ME1: variants seen among roughly 807,000 people sequenced by gnomAD.
ME1 encodes NADP-dependent malic enzyme.
Under a neutral mutation model 66.4 loss-of-function variants are expected in ME1, and 74 were observed. That is an observed-to-expected ratio of 1.11 (90% CI 0.92 to 1.35). The LOEUF is 1.35. ME1 is among the 40% of genes most tolerant of loss of function. The pLI is 0.00. For missense variants in ME1, 750 were observed against 694.1 expected (o/e 1.08, Z -0.90); for synonymous variants, 251 against 235.6 (o/e 1.07, Z -0.60).
chr6:83,235,532 G>A (rs1003645151), intron 9 of ME1, among the ~76,000 whole-genome samples: 4 of 148,608 alleles, frequency 2.7e-5, no homozygotes, highest in East Asian at 3.9e-4. Context: ...GTGCAGTGGC[G>A]CGATCTCGGC....
intron 13 of ME1, among the ~76,000 whole-genome samples, chr6:83,216,139 C>T (rs184194860): frequency 6.6e-6 from 1 of 152,250 alleles, no homozygotes; most frequent in African/African-American, 2.4e-5. Context: ...GTTACTCTAA[C>T]ATATCTGTAA....
At chr6:83,281,862 A>T (rs1767300915) in intron 6 of ME1, among the ~76,000 whole-genome samples, 1 of 149,780 alleles carries the variant, frequency 6.7e-6, no homozygotes, top group South Asian at 2.1e-4. Flanking sequence ...AGAGAAAAAA[A>T]AAAAGAGAGA....
intron 3 of ME1, among the ~76,000 whole-genome samples, chr6:83,361,012 G>A (rs1172650889): frequency 6.6e-6 from 1 of 152,186 alleles, no homozygotes; most frequent in Non-Finnish European, 1.5e-5. Context: ...TTCTACCTCA[G>A]GGGTTATCAA....
At position 83,346,072 on chromosome 6, in the gene ME1, A is replaced by G; in HGVS notation, c.600+101T>C. ...TTGGAGAGAGAAAGAGAACCAGACA[A>G]AAAAGAATGAATTTTATGAGTTCCT... is the stretch of plus-strand genomic sequence containing the variant. On this transcript the variant is annotated intron_variant, in intron 5 of 13. Transcript: ENST00000369705. 3.1e-6 allele frequency: 3 copies of G among 965,220 alleles called. No homozygotes were observed. The South Asian group carries it at 7.3e-5, about 23-fold the overall frequency. 59.8% of individuals were successfully genotyped at this position (965,220 alleles called of 1,614,324 possible). A position where few individuals can be genotyped will look rare whatever the true frequency, so the allele number is the denominator to read the frequency against.
Position 83,211,997 on chromosome 6 carries a change from T to C in ME1, c.1646A>G (p.Tyr549Cys). The C allele has an allele frequency of 2.5e-6, 4 of 1,611,920 alleles. No individual in the cohort carries two copies. The highest frequency in any genetic ancestry group is 3.4e-6 in the Non-Finnish European group (4 of 1,178,658). ...FVRSQMYSTD[Y>C]DQILPDCYSW... Reference sequence around the variant, plus strand: ...ATAACAATCAGGTAGAATCTGGTCATAATCAGTACTATACATCTGGGAGCG... The same window carrying C: ...ATAACAATCAGGTAGAATCTGGTCACAATCAGTACTATACATCTGGGAGCG... Residue 549 changes from tyrosine (Y) to cysteine (C), a missense_variant, in exon 14 of 14, where the codon TAT becomes TGT. Transcript: ENST00000369705.
At chr6:83,247,392 A>C (rs1020125713) in intron 7 of ME1, among the ~76,000 whole-genome samples, 4 of 152,120 alleles carry the variant, frequency 2.6e-5, no homozygotes, top group African/African-American at 9.6e-5. Context: ...ATGAGAATGC[A>C]TTCATGTCTA....
intron 6 of ME1, among the ~76,000 whole-genome samples, chr6:83,292,203 G>GT (rs1403829953): frequency 1.3e-5 from 2 of 152,078 alleles, no homozygotes; most frequent in Non-Finnish European, 2.9e-5. Flanking sequence ...GAGGTGTTCT[G>GT]TTTTTTGGAA....
rs1013549336 is a variant in ME1, at chr6:83,211,192, C to T, written c.*732G>A. On this transcript the variant is annotated 3_prime_UTR_variant, in exon 14 of 14. Coordinates refer to ENST00000369705, the MANE Select transcript of ME1 (RefSeq NM_002395.6). ...GACAGGGGCCACAGTCCACAAAATC[C>T]CTGTAGCAACAGTATGGTAGCTGAA... 2 of 152,282 alleles carry T rather than the reference C, an allele frequency of 1.3e-5. No homozygotes were observed. Among genetic ancestry groups the T allele is most frequent in the African/African-American group, 4.8e-5 (2 of 41,424 alleles). The allele number at this position is 152,282 out of a possible 1,614,324, so 9.4% of individuals were successfully genotyped here.
chr6:83,228,788 T>C (rs925265497), intron 10 of ME1, 38 bp downstream of exon 10: 9 of 1,346,884 alleles, frequency 6.7e-6, no homozygotes, highest in African/African-American at 1.5e-5. Flanking sequence ...CAGGTCAAAA[T>C]AAGGGGTAGG....
At chr6:83,392,509 G>A (rs542360720) in intron 3 of ME1, 41 of 529,326 alleles carry the variant, frequency 7.7e-5, no homozygotes, top group East Asian at 4.0e-4. Context: ...CGATATTGTC[G>A]CCATCAATGA....
chr6:83,292,847 A>G (rs1477998240), intron 6 of ME1, among the ~76,000 whole-genome samples: 1 of 152,118 alleles, frequency 6.6e-6, no homozygotes, highest in Non-Finnish European at 1.5e-5. Context: ...AGCCTCAGCA[A>G]TGGTGGACGC....
At position 83,271,867 on chromosome 6, in the gene ME1, T is replaced by A. The variant is rs577935335; in HGVS notation, c.705-18129A>T. ...ACATATTATTTTTTATTACTTTTTT[T>A]AAAAAATTGTGGGTACATAGTAGGT... On this transcript the variant is annotated intron_variant, in intron 6 of 13. Transcript: ENST00000369705. 2.0e-4 allele frequency among the ~76,000 whole-genome samples: 31 copies of A among 152,274 alleles called. No homozygotes were observed. In the East Asian group the frequency reaches 2.1e-3, roughly 10 times the overall value.
chr6:83,370,950 G>A (rs796515848), intron 3 of ME1, among the ~76,000 whole-genome samples: 6 of 152,166 alleles, frequency 3.9e-5, no homozygotes, highest in African/African-American at 1.2e-4. Flanking sequence ...TGAAGAAAAA[G>A]AGGATACGGT....
At chr6:83,426,224 A>C (rs2127698360) in intron 1 of ME1, among the ~76,000 whole-genome samples, 1 of 152,344 alleles carries the variant, frequency 6.6e-6, no homozygotes, top group African/African-American at 2.4e-5. Flanking sequence ...CCTGTCCAAA[A>C]GTTAGAGGGA....
intron 5 of ME1, among the ~76,000 whole-genome samples, chr6:83,345,696 C>CA (rs925346230): frequency 9.3e-4 from 137 of 148,014 alleles, no homozygotes; most frequent in African/African-American, 3.2e-3. Flanking sequence ...AAAGGATGAG[C>CA]AAAAAAAAAG....
At position 83,346,167 on chromosome 6, in the gene ME1, A is replaced by G. The variant is rs982427708; in HGVS notation, c.600+6T>C. 4.4e-6 allele frequency: 7 copies of G among 1,598,914 alleles called. No homozygotes were observed. The highest frequency in any genetic ancestry group is 1.7e-5 in the Admixed American group (1 of 58,774). On this transcript the variant is annotated splice_donor_region_variant and intron_variant, in intron 5 of 13. Transcript: ENST00000369705. The stretch of plus-strand genomic sequence containing the variant: ...CATAGCTGCCTTATAGACGTAAATT[A>G]TTTACCTCATTTTCGGTTCCCACAT...
intron 6 of ME1, among the ~76,000 whole-genome samples, chr6:83,307,191 C>G (rs999711780): frequency 6.6e-6 from 1 of 151,646 alleles, no homozygotes. Context: ...CTTTAGATTT[C>G]TAATTCTTTC....
Position 83,237,306 on chromosome 6 carries a change from GAAAGAAAGA to G in ME1, c.1026+402_1026+410del, listed in dbSNP as rs1562455350. ...AAGGAAGGAAGGAAAGAAAGAAAAAGAAAGAAAGAAAAGGAAGGAAAGGAAGGAAGGAAG... is the reference window on the plus strand; with the variant it reads ...AAGGAAGGAAGGAAAGAAAGAAAAAGAAAGGAAGGAAAGGAAGGAAGGAAG... On this transcript the variant is annotated intron_variant, in intron 9 of 13. Coordinates refer to ENST00000369705, the MANE Select transcript of ME1 (RefSeq NM_002395.6). Among the ~76,000 whole-genome samples the G allele has an allele frequency of 5.6e-4, 51 of 90,604 alleles. 2 individuals are homozygous for G. The highest frequency in any genetic ancestry group is 2.0e-3 in the African/African-American group (41 of 20,408). 59.4% of individuals were successfully genotyped at this position (90,604 alleles called of 152,430 possible). A position where few individuals can be genotyped will look rare whatever the true frequency, so the allele number is the denominator to read the frequency against.
chr6:83,240,274 T>C (rs1790487674), intron 7 of ME1, among the ~76,000 whole-genome samples: 1 of 152,106 alleles, frequency 6.6e-6, no homozygotes, highest in Admixed American at 6.5e-5. Context: ...CATAATATTT[T>C]TGATACATTT....
Sources: allele counts gnomAD v4.1 joint callset (sites outside exome capture counted in the v4.1 genomes callset), GRCh38; gene constraint gnomAD v4.1.1; transcripts MANE v1.5; gene names NCBI Gene and HGNC (gene_info 2026-07-23, HGNC 2026-07-21).